Variants in HSBP1 observed in about 807,000 individuals in gnomAD.
HSBP1 encodes the protein heat shock factor binding protein 1.
Under a neutral mutation model 9.6 loss-of-function variants are expected in HSBP1, and 5 were observed. The observed-to-expected ratio is 0.52, with a 90% CI of 0.27 to 1.09. HSBP1 has a LOEUF of 1.09. HSBP1 is among the 50% of genes least tolerant of loss of function. The pLI, the probability that HSBP1 is intolerant of heterozygous loss-of-function variation, is 0.11. For missense variants in HSBP1, 121 were observed against 96.3 expected, an observed-to-expected ratio of 1.26 and a Z score of -1.07; for synonymous variants, 42 against 33.3, an observed-to-expected ratio of 1.26 and a Z score of -0.90.
Position 83,815,218 on chromosome 16 carries a change from T to G in HSBP1, c.*3800T>G, listed in dbSNP as rs33128. On this transcript the variant is annotated 3_prime_UTR_variant, in exon 4 of 4. Coordinates refer to ENST00000433866, the MANE Select transcript of HSBP1 (RefSeq NM_001537.4). ...AAACCAGAGGAATTGTGATTGAACA[T>G]TGCACTTATCAACCCTACAAATTAA... 2.0e-5 allele frequency: 3 copies of G among 151,988 alleles called. No individual in the cohort carries two copies. Among genetic ancestry groups the G allele is most frequent in the Non-Finnish European group, 4.4e-5 (3 of 67,992 alleles). 9.4% of individuals were successfully genotyped at this position (151,988 alleles called of 1,614,324 possible).
chr16:83,808,652 C>G (rs777773466), intron 1 of HSBP1, 28 bp from the exon 2 acceptor site: 2 of 1,587,724 alleles, frequency 1.3e-6, no homozygotes, highest in Admixed American at 1.7e-5. Context: ...CGATGTGGAC[C>G]GTGTTTGTTT....
Position 83,819,459 on chromosome 16 carries a change from C to G in HSBP1, c.*8041C>G, listed in dbSNP as rs371520055. ...TAGGACCTAGTGTGACCTCTTCTGC[C>G]TTCTGAACCGAGGAGTCCACCCCTA... On this transcript the variant is annotated 3_prime_UTR_variant, in exon 4 of 4. Coordinates refer to ENST00000433866, the MANE Select transcript of HSBP1 (RefSeq NM_001537.4). 6.6e-6 allele frequency: 1 copy of G among 152,090 alleles called. No homozygotes were observed. The highest frequency in any genetic ancestry group is 1.5e-5 in the Non-Finnish European group (1 of 68,028). 9.4% of individuals were successfully genotyped at this position (152,090 alleles called of 1,614,324 possible).
rs908212220 is a variant in HSBP1 at position 83,817,076 on chromosome 16, C to A, written c.*5658C>A. On this transcript the variant is annotated 3_prime_UTR_variant, in exon 4 of 4. Coordinates refer to ENST00000433866, the MANE Select transcript of HSBP1 (RefSeq NM_001537.4). ...CCCAAAACTGGGCAGCACCACAGAA[C>A]CCTCACATCAGAATCCCCATGGGTG... 3 of 152,248 alleles carry A rather than the reference C, an allele frequency of 2.0e-5. No homozygotes were observed. The highest frequency in any genetic ancestry group is 1.5e-5 in the Non-Finnish European group (1 of 68,054). The allele number at this position is 152,248 out of a possible 1,614,324, so 9.4% of individuals were successfully genotyped here. A position where few individuals can be genotyped will look rare whatever the true frequency, so the allele number is the denominator to read the frequency against.
rs1393513178 is a variant in HSBP1 at position 83,816,224 on chromosome 16, C to G, written c.*4806C>G. On this transcript the variant is annotated 3_prime_UTR_variant, in exon 4 of 4. Transcript: ENST00000433866. Reference sequence around the variant, plus strand: ...AACCAGCCTGGCCAACATGGCGAAACCCCCGTCTCTACTAAAAATACAAAA... The same window carrying G: ...AACCAGCCTGGCCAACATGGCGAAAGCCCCGTCTCTACTAAAAATACAAAA... 6.6e-6 allele frequency: 1 copy of G among 151,932 alleles called. No homozygotes were observed. The highest frequency in any genetic ancestry group is 1.5e-5 in the Non-Finnish European group (1 of 67,980). 9.4% of individuals were successfully genotyped at this position (151,932 alleles called of 1,614,324 possible).
chr16:83,811,219 A>AGAAAAGAGT (rs1308782728), intron 3 of HSBP1, among the ~76,000 whole-genome samples: 1 of 152,272 alleles, frequency 6.6e-6, no homozygotes, highest in Non-Finnish European at 1.5e-5. Context: ...GGTCATTCAA[A>AGAAAAGAGT]GAAAAGAGTG....
chr16:83,810,179 T>G (rs1051111224), intron 3 of HSBP1, among the ~76,000 whole-genome samples: 4 of 152,068 alleles, frequency 2.6e-5, no homozygotes, highest in Non-Finnish European at 5.9e-5. Flanking sequence ...CTGGAGACTT[T>G]CTTGGTAACT....
chr16:83,808,588 C>G, intron 1 of HSBP1, 92 bp from the exon 2 acceptor site: 1 of 981,048 alleles, frequency 1.0e-6, no homozygotes, highest in Non-Finnish European at 1.6e-6. Context: ...AGAAATGGGG[C>G]TGGAACCCCG....
rs1904615721 is a variant in HSBP1 at position 83,812,179 on chromosome 16, C to G, written c.*761C>G. 6.6e-6 allele frequency: 1 copy of G among 152,510 alleles called. No homozygotes were observed. The highest frequency in any genetic ancestry group is 1.5e-5 in the Non-Finnish European group (1 of 68,014). The allele number at this position is 152,510 out of a possible 1,614,324, so 9.4% of individuals were successfully genotyped here. A position where few individuals can be genotyped will look rare whatever the true frequency, so the allele number is the denominator to read the frequency against. On this transcript the variant is annotated 3_prime_UTR_variant, in exon 4 of 4. Transcript: ENST00000433866. ...CTACGTGGTTCATCTACAATGGTTA[C>G]CATAAAAAATCTGGCAGGATTTTAA...
chr16:83,813,147 G>C lies in HSBP1; in HGVS notation c.*1729G>C, dbSNP rs537806254. ...GTTGGGGGAGGTTGCCTGCTGGAAG[G>C]GGAAGCTGAGGAGCGGGAGGAGGGC... is the stretch of plus-strand genomic sequence containing the variant. On this transcript the variant is annotated 3_prime_UTR_variant, in exon 4 of 4. Transcript: ENST00000433866. 3 of 152,372 alleles carry C rather than the reference G, an allele frequency of 2.0e-5. No homozygotes were observed. Among genetic ancestry groups the C allele is most frequent in the African/African-American group, 7.2e-5 (3 of 41,442 alleles). 9.4% of individuals were successfully genotyped at this position (152,372 alleles called of 1,614,324 possible). A position where few individuals can be genotyped will look rare whatever the true frequency, so the allele number is the denominator to read the frequency against.
chr16:83,809,430 G>A lies in HSBP1; in HGVS notation c.*2+5G>A. Reference sequence around the variant, plus strand: ...TGCCACGCAAAAGAGTTGAAGGTGAGGAAGGGGGCAATTTTTTTTTTCTTT... The same window carrying A: ...TGCCACGCAAAAGAGTTGAAGGTGAAGAAGGGGGCAATTTTTTTTTTCTTT... On this transcript the variant is annotated splice_donor_5th_base_variant and intron_variant, in intron 3 of 3. Transcript: ENST00000433866. The A allele has an allele frequency of 7.3e-7, 1 of 1,373,674 alleles. No homozygotes were observed. The highest frequency in any genetic ancestry group is 1.0e-6 in the Non-Finnish European group (1 of 1,003,146). 85.1% of individuals were successfully genotyped at this position (1,373,674 alleles called of 1,614,324 possible).
chr16:83,809,222 T>G, intron 2 of HSBP1, 83 bp from the exon 3 acceptor site: 2 of 834,262 alleles, frequency 2.4e-6, no homozygotes, highest in African/African-American at 1.7e-5. Context: ...CCTAAAGTCG[T>G]TGTGTTTAAG....
rs1372845095 is a variant in HSBP1 at position 83,814,099 on chromosome 16, ACT to A, written c.*2682_*2683del. 2.6e-5 allele frequency: 4 copies of A among 152,302 alleles called. No homozygotes were observed. The highest frequency in any genetic ancestry group is 5.9e-5 in the Non-Finnish European group (4 of 68,036). The allele number at this position is 152,302 out of a possible 1,614,324, so 9.4% of individuals were successfully genotyped here. On this transcript the variant is annotated 3_prime_UTR_variant, in exon 4 of 4. Transcript: ENST00000433866. Reference sequence around the variant, plus strand: ...TAAATGGAAGCCTTCCCAAGCAGACACTGTGTTCCTCTTTTATTTTGTATTTT... The same window carrying A: ...TAAATGGAAGCCTTCCCAAGCAGACAGTGTTCCTCTTTTATTTTGTATTTT...
rs1372962125 is a variant in HSBP1, at chr16:83,814,869, G to A, written c.*3451G>A. 1 of 151,780 alleles carries A rather than the reference G, an allele frequency of 6.6e-6. No homozygotes were observed. The highest frequency in any genetic ancestry group is 6.6e-5 in the Admixed American group (1 of 15,252). The allele number at this position is 151,780 out of a possible 1,614,324, so 9.4% of individuals were successfully genotyped here. On this transcript the variant is annotated 3_prime_UTR_variant, in exon 4 of 4. Transcript: ENST00000433866. ...CAACCACGGGGAATATGAACCACAG[G>A]TTTTCACATTGGTTTTCCATGCCTA...
rs1904620748 is a variant in HSBP1, at chr16:83,812,386, A to C, written c.*968A>C. On this transcript the variant is annotated 3_prime_UTR_variant, in exon 4 of 4. Transcript: ENST00000433866. ...CTTATCTAAATTCTTGCAGAGTGTC[A>C]ATGTTATCATTGATTATAGAAGACA... The C allele has an allele frequency of 1.3e-5, 2 of 152,220 alleles. No homozygotes were observed. The highest frequency in any genetic ancestry group is 4.1e-4 in the South Asian group (2 of 4,838). 9.4% of individuals were successfully genotyped at this position (152,220 alleles called of 1,614,324 possible).
In HSBP1 at chr16:83,808,009, G is replaced by A; in HGVS notation, c.-68G>A. ...GTCGCGAGAAGCAGCGGCCCGGGGC[G>A]ACTGAGCGGACAAACGGAAGTGTAG... On this transcript the variant is annotated 5_prime_UTR_variant, in exon 1 of 4. Coordinates refer to ENST00000433866, the MANE Select transcript of HSBP1 (RefSeq NM_001537.4). 7.2e-7 allele frequency: 1 copy of A among 1,393,104 alleles called. No homozygotes were observed. The highest frequency in any genetic ancestry group is 9.7e-7 in the Non-Finnish European group (1 of 1,032,206). 86.3% of individuals were successfully genotyped at this position (1,393,104 alleles called of 1,614,324 possible). A position where few individuals can be genotyped will look rare whatever the true frequency, so the allele number is the denominator to read the frequency against.
chr16:83,817,135 T>G lies in HSBP1; in HGVS notation c.*5717T>G, dbSNP rs540057891. 2 of 152,290 alleles carry G rather than the reference T, an allele frequency of 1.3e-5. No homozygotes were observed. Among genetic ancestry groups the G allele is most frequent in the East Asian group, 1.9e-4 (1 of 5,180 alleles). The allele number at this position is 152,290 out of a possible 1,614,324, so 9.4% of individuals were successfully genotyped here. A position where few individuals can be genotyped will look rare whatever the true frequency, so the allele number is the denominator to read the frequency against. ...CAGCAGTGTTCATCTTAGACTCCAG[T>G]GTGCAGTCGAGGTCGAGAACTGCAT... On this transcript the variant is annotated 3_prime_UTR_variant, in exon 4 of 4. Transcript: ENST00000433866.
rs1480719967 is a variant in HSBP1 at position 83,813,074 on chromosome 16, C to A, written c.*1656C>A. 2 of 152,178 alleles carry A rather than the reference C, an allele frequency of 1.3e-5. No homozygotes were observed. The highest frequency in any genetic ancestry group is 4.8e-5 in the African/African-American group (2 of 41,424). The allele number at this position is 152,178 out of a possible 1,614,324, so 9.4% of individuals were successfully genotyped here. Reference sequence around the variant, plus strand: ...CACATTAGAGTATCAACTAAAACCTCTGGACGGATTAAGTACAAGTAGCCC... The same window carrying A: ...CACATTAGAGTATCAACTAAAACCTATGGACGGATTAAGTACAAGTAGCCC... On this transcript the variant is annotated 3_prime_UTR_variant, in exon 4 of 4. Transcript: ENST00000433866.
intron 2 of HSBP1, chr16:83,809,006 T>G (rs1904532848): frequency 1.8e-6 from 1 of 545,894 alleles, no homozygotes; most frequent in East Asian, 2.9e-5. Flanking sequence ...TAAGCGCTTT[T>G]GTGTGTGTCT....
chr16:83,815,349 A>AAAG lies in HSBP1; in HGVS notation c.*3932_*3934dup. Reference sequence around the variant, plus strand: ...TATACTGAGACTCCATCTCTACAAAAAAGTAGAAAAATTAGCCCAGAGTGT... The same window carrying AAAG: ...TATACTGAGACTCCATCTCTACAAAAAAGAAGTAGAAAAATTAGCCCAGAGTGT... On this transcript the variant is annotated 3_prime_UTR_variant, in exon 4 of 4. Transcript: ENST00000433866. 6.6e-6 allele frequency: 1 copy of AAAG among 152,172 alleles called. No individual in the cohort carries two copies. The highest frequency in any genetic ancestry group is 1.9e-4 in the East Asian group (1 of 5,200). The allele number at this position is 152,172 out of a possible 1,614,324, so 9.4% of individuals were successfully genotyped here. A position where few individuals can be genotyped will look rare whatever the true frequency, so the allele number is the denominator to read the frequency against.
Sources: gnomAD v4.1 joint callset for allele counts (sites outside exome capture counted in the v4.1 genomes callset) on GRCh38, gnomAD v4.1.1 for gene constraint, MANE v1.5 for transcripts, NCBI Gene and HGNC (gene_info 2026-07-23, HGNC 2026-07-21) for gene names.